TUBA8: variants seen among roughly 807,000 people sequenced by gnomAD.
TUBA8 encodes the protein tubulin alpha-8 chain.
Under a neutral mutation model 34.7 loss-of-function variants are expected in TUBA8, and 29 were observed. The ratio of observed to expected loss-of-function variants is 0.84; its 90% CI spans 0.62 to 1.14. The LOEUF (loss-of-function observed/expected upper bound fraction) is 1.14, where lower values mean the gene tolerates loss of function less well. Ranked by LOEUF, TUBA8 falls within the 50% of genes most tolerant of loss-of-function variation. The pLI is 0.00. For synonymous variants in TUBA8, 226 were observed against 231.2 expected, an observed-to-expected ratio of 0.98 and a Z score of 0.21; for missense variants, 541 against 599.2, an observed-to-expected ratio of 0.90 and a Z score of 1.01.
rs1928095708 is a variant in TUBA8, at chr22:18,119,907, C to G, written c.4-1572C>G. 6.6e-6 allele frequency: 1 copy of G among 152,296 alleles called. No individual in the cohort carries two copies. The allele number at this position is 152,296 out of a possible 1,614,324, so 9.4% of individuals were successfully genotyped here. ...TGCCCCTGGCTTGGGTTACCCGGAG[C>G]TGGAAAATGCCAGGGCAGGTCATGG... On this transcript the variant is annotated intron_variant, in intron 1 of 4. Transcript: ENST00000330423. This position sits in a 1 kb window ranked among gnomAD's most constrained non-coding sequence, Gnocchi z 5.9.
Position 18,121,820 on chromosome 22 carries a change from C to T in TUBA8, c.226+119C>T. ...AAGGTGGGGATGGTGCAACCGCAGC[C>T]TCCCACCCCACGTGACATCTGTCAG... is the stretch of plus-strand genomic sequence containing the variant. On this transcript the variant is annotated intron_variant, in intron 2 of 4. Coordinates refer to ENST00000330423, the MANE Select transcript of TUBA8 (RefSeq NM_018943.3). The surrounding 1 kb of genome is among the most constrained non-coding windows in gnomAD (Gnocchi z 4.8). 1 of 941,482 alleles carries T rather than the reference C, an allele frequency of 1.1e-6. No individual in the cohort carries two copies. The highest frequency in any genetic ancestry group is 1.6e-6 in the Non-Finnish European group (1 of 614,110). The allele number at this position is 941,482 out of a possible 1,614,324, so 58.3% of individuals were successfully genotyped here. A position where few individuals can be genotyped will look rare whatever the true frequency, so the allele number is the denominator to read the frequency against.
rs768126889 is a variant in TUBA8 at position 18,126,626 on chromosome 22, C to G, written c.648C>G (p.Asn216Lys). 1 of 1,614,038 alleles carries G rather than the reference C, an allele frequency of 6.2e-7. No individual in the cohort carries two copies. Residue 216 changes from asparagine (N) to lysine (K), a missense_variant, in exon 4 of 5, where the codon AAC (asparagine) becomes AAG (lysine). Coordinates refer to ENST00000330423, the MANE Select transcript of TUBA8 (RefSeq NM_018943.3). This position sits in a 1 kb window ranked among gnomAD's most constrained non-coding sequence, Gnocchi z 4.0. ...NEAIYDICRRNLDIERPTYTN... is the reference protein window; with the variant it reads ...NEAIYDICRRKLDIERPTYTN... Reference sequence around the variant, plus strand: ...CCATCTATGACATCTGCCGCAGGAACCTTGACATTGAGCGCCCTACCTATA... The same window carrying G: ...CCATCTATGACATCTGCCGCAGGAAGCTTGACATTGAGCGCCCTACCTATA...
intron 1 of TUBA8, chr22:18,115,073 C>T (rs935682594): frequency 2.0e-5 from 3 of 152,228 alleles, no homozygotes; most frequent in Admixed American, 6.5e-5. Context: ...TGGGCTCATG[C>T]CTCCCAGCGA....
In TUBA8 at chr22:18,131,394, C is replaced by G. The variant is rs1197372685; in HGVS notation, c.*258C>G. ...GTCTCCGGCGGGTGAGGCTGCAGCCCAGTTTCACATGCGAGGAGGCCTAAT... is the reference window on the plus strand; with the variant it reads ...GTCTCCGGCGGGTGAGGCTGCAGCCGAGTTTCACATGCGAGGAGGCCTAAT... On this transcript the variant is annotated 3_prime_UTR_variant, in exon 5 of 5. Coordinates refer to ENST00000330423, the MANE Select transcript of TUBA8 (RefSeq NM_018943.3). This position sits in a 1 kb window ranked among gnomAD's most constrained non-coding sequence, Gnocchi z 5.3. The G allele has an allele frequency of 6.0e-6, 3 of 496,288 alleles. No individual in the cohort carries two copies. Among genetic ancestry groups the G allele is most frequent in the Non-Finnish European group, 1.1e-5 (3 of 272,808 alleles). 30.7% of individuals were successfully genotyped at this position (496,288 alleles called of 1,614,324 possible). A position where few individuals can be genotyped will look rare whatever the true frequency, so the allele number is the denominator to read the frequency against.
intron 1 of TUBA8, chr22:18,112,412 A>G (rs1248672486): frequency 6.6e-6 from 1 of 152,206 alleles, no homozygotes; most frequent in African/African-American, 2.4e-5. Context: ...TAGAATTGAT[A>G]TTTAATATTT....
rs775601052 is a variant in TUBA8, at chr22:18,126,869, G to GC, written c.894dup (p.Asn299GlnfsTer122). The GC allele has an allele frequency of 3.1e-6, 5 of 1,611,918 alleles. No homozygotes were observed. In the Admixed American group the frequency reaches 8.3e-5, roughly 27 times the overall value. ...CCGAGATAACCAGCTCCTGCTTTGA[G>GC]CCCAACAGCCAGATGGTGAAGTGCG... On this transcript the variant is annotated frameshift_variant, in exon 4 of 5. Transcript: ENST00000330423. LOFTEE classifies it high-confidence loss of function. The surrounding 1 kb of genome is among the most constrained non-coding windows in gnomAD (Gnocchi z 4.0).
At chr22:18,112,079 C>A (rs764777974) in intron 1 of TUBA8, 1 of 152,074 alleles carries the variant, frequency 6.6e-6, no homozygotes, top group African/African-American at 2.4e-5. Flanking sequence ...ACAAAGGGCC[C>A]GGAGCTGCCA....
rs1162304152 is a variant in TUBA8, at chr22:18,126,179, G to A, written c.376-175G>A. On this transcript the variant is annotated intron_variant, in intron 3 of 4. Coordinates refer to ENST00000330423, the MANE Select transcript of TUBA8 (RefSeq NM_018943.3). This position sits in a 1 kb window ranked among gnomAD's most constrained non-coding sequence, Gnocchi z 4.0. ...GTGCCTGGCCCCATCCCATATTTTAGCCACTCCTCCAAAGATCAATACAAC... is the reference window on the plus strand; with the variant it reads ...GTGCCTGGCCCCATCCCATATTTTAACCACTCCTCCAAAGATCAATACAAC... The A allele has an allele frequency of 6.2e-6, 4 of 643,652 alleles. No homozygotes were observed. Among genetic ancestry groups the A allele is most frequent in the Non-Finnish European group, 1.1e-5 (4 of 371,066 alleles). 39.9% of individuals were successfully genotyped at this position (643,652 alleles called of 1,614,324 possible).
In TUBA8 at chr22:18,119,993, AG is replaced by A. The variant is rs1569198697; in HGVS notation, c.4-1484del. 1 of 152,212 alleles carries A rather than the reference AG, an allele frequency of 6.6e-6. No homozygotes were observed. Among genetic ancestry groups the A allele is most frequent in the African/African-American group, 2.4e-5 (1 of 41,446 alleles). The allele number at this position is 152,212 out of a possible 1,614,324, so 9.4% of individuals were successfully genotyped here. On this transcript the variant is annotated intron_variant, in intron 1 of 4. Transcript: ENST00000330423. This position sits in a 1 kb window ranked among gnomAD's most constrained non-coding sequence, Gnocchi z 5.9. ...CCTGCTGGGCTCAGGCGGCTGCCCC[AG>A]GCACAGTGTCGCCTTGTGTGGGCCA...
rs555172566 is a variant in TUBA8 at position 18,126,023 on chromosome 22, A to T, written c.376-331A>T. ...ACTACAGGTGTGCATCACCACGCCCAGTTAACTTTTAAAATTTTTTGTAGA... is the reference window on the plus strand; with the variant it reads ...ACTACAGGTGTGCATCACCACGCCCTGTTAACTTTTAAAATTTTTTGTAGA... On this transcript the variant is annotated intron_variant, in intron 3 of 4. Transcript: ENST00000330423. The surrounding 1 kb of genome is among the most constrained non-coding windows in gnomAD (Gnocchi z 4.0). 206 of 348,518 alleles carry T rather than the reference A, an allele frequency of 5.9e-4. No homozygotes were observed. Among genetic ancestry groups the T allele is most frequent in the African/African-American group, 4.1e-3 (193 of 47,398 alleles). The allele number at this position is 348,518 out of a possible 1,614,324, so 21.6% of individuals were successfully genotyped here.
In TUBA8 at chr22:18,131,228, C is replaced by T; in HGVS notation, c.*92C>T. 1 of 1,413,822 alleles carries T rather than the reference C, an allele frequency of 7.1e-7. No individual in the cohort carries two copies. The allele number at this position is 1,413,822 out of a possible 1,614,324, so 87.6% of individuals were successfully genotyped here. On this transcript the variant is annotated 3_prime_UTR_variant, in exon 5 of 5. Transcript: ENST00000330423. The surrounding 1 kb of genome is among the most constrained non-coding windows in gnomAD (Gnocchi z 5.3). ...GAACAGAACACTCTCCCCGCCCCAG[C>T]CTGATTCCTGCCTTACCCAGGAGGA...
At position 18,111,429 on chromosome 22, in the gene TUBA8, G is replaced by A. The variant is rs1927806283; in HGVS notation, c.3+561G>A. ...GCCCCAGCGCGGCGGGGTCCTCCGGGCGCACTCAGCAGCTCCCAAGTCTTT... is the reference window on the plus strand; with the variant it reads ...GCCCCAGCGCGGCGGGGTCCTCCGGACGCACTCAGCAGCTCCCAAGTCTTT... On this transcript the variant is annotated intron_variant, in intron 1 of 4. Transcript: ENST00000330423. The surrounding 1 kb of genome is among the most constrained non-coding windows in gnomAD (Gnocchi z 5.1). The A allele has an allele frequency of 6.4e-6, 1 of 155,334 alleles. No homozygotes were observed. The highest frequency in any genetic ancestry group is 2.5e-5 in the African/African-American group (1 of 40,602). 9.6% of individuals were successfully genotyped at this position (155,334 alleles called of 1,614,324 possible). A position where few individuals can be genotyped will look rare whatever the true frequency, so the allele number is the denominator to read the frequency against.
Position 18,126,052 on chromosome 22 carries a change from G to T in TUBA8, c.376-302G>T, listed in dbSNP as rs467262. 0.013 allele frequency: 5,164 copies of T among 411,674 alleles called. 243 individuals carry two copies. Among genetic ancestry groups the T allele is most frequent in the African/African-American group, 0.095 (4,701 of 49,536 alleles). 25.5% of individuals were successfully genotyped at this position (411,674 alleles called of 1,614,324 possible). ...AACTTTTAAAATTTTTTGTAGATGC[G>T]AGGTCTCACTATGTTGCCCATGCTG... is the stretch of plus-strand genomic sequence containing the variant. On this transcript the variant is annotated intron_variant, in intron 3 of 4. Coordinates refer to ENST00000330423, the MANE Select transcript of TUBA8 (RefSeq NM_018943.3). This position sits in a 1 kb window ranked among gnomAD's most constrained non-coding sequence, Gnocchi z 4.0.
At chr22:18,130,700 G>T (rs776870971) in intron 4 of TUBA8, 143 bp from the exon 5 acceptor site, 1 of 1,055,928 alleles carries the variant, frequency 9.5e-7, no homozygotes, top group African/African-American at 1.6e-5. Flanking sequence ...GTCCCATCCC[G>T]CCTGTTGCAT....
Position 18,124,275 on chromosome 22 carries a change from G to T in TUBA8, c.346G>T (p.Asp116Tyr), listed in dbSNP as rs370865072. ...GHYTVGKESI[D>Y]LVLDRIRKLT... Reference sequence around the variant, plus strand: ...CTACACGGTGGGCAAGGAGAGCATTGACCTGGTGCTGGACCGCATACGGAA... The same window carrying T: ...CTACACGGTGGGCAAGGAGAGCATTTACCTGGTGCTGGACCGCATACGGAA... The change falls in exon 3 of 5, where the codon GAC becomes TAC. Residue 116 changes from aspartate (D) to tyrosine (Y), a missense_variant. Physicochemically the swap from Asp to Tyr is radical, Grantham distance 160 (BLOSUM62 -3). Coordinates refer to ENST00000330423, the MANE Select transcript of TUBA8 (RefSeq NM_018943.3). The surrounding 1 kb of genome is among the most constrained non-coding windows in gnomAD (Gnocchi z 4.3). 7.4e-6 allele frequency: 12 copies of T among 1,613,976 alleles called. No homozygotes were observed. In the African/African-American group the frequency reaches 1.6e-4, roughly 22 times the overall value.
rs1313583042 is a variant in TUBA8, at chr22:18,121,816, C to T, written c.226+115C>T. On this transcript the variant is annotated intron_variant, in intron 2 of 4. Coordinates refer to ENST00000330423, the MANE Select transcript of TUBA8 (RefSeq NM_018943.3). This position sits in a 1 kb window ranked among gnomAD's most constrained non-coding sequence, Gnocchi z 4.8. ...CTGGAAGGTGGGGATGGTGCAACCG[C>T]AGCCTCCCACCCCACGTGACATCTG... is the stretch of plus-strand genomic sequence containing the variant. The T allele has an allele frequency of 3.1e-6, 3 of 973,256 alleles. No individual in the cohort carries two copies. Among genetic ancestry groups the T allele is most frequent in the Non-Finnish European group, 4.7e-6 (3 of 640,658 alleles). 60.3% of individuals were successfully genotyped at this position (973,256 alleles called of 1,614,324 possible).
In TUBA8 at chr22:18,118,728, AAT is replaced by A. The variant is rs1225874015; in HGVS notation, c.4-2749_4-2748del. On this transcript the variant is annotated intron_variant, in intron 1 of 4. Transcript: ENST00000330423. This position sits in a 1 kb window ranked among gnomAD's most constrained non-coding sequence, Gnocchi z 4.0. ...TCTTATGAGCTAGTTCAATAGGAAA[AAT>A]AGCTCTTTCTAAGGGGTGTGTGTGT... The A allele has an allele frequency of 2.6e-5, 4 of 152,218 alleles. No homozygotes were observed. The allele number at this position is 152,218 out of a possible 1,614,324, so 9.4% of individuals were successfully genotyped here. A position where few individuals can be genotyped will look rare whatever the true frequency, so the allele number is the denominator to read the frequency against.
intron 1 of TUBA8, chr22:18,114,842 T>TTTCCA (rs1265147391): frequency 1.3e-5 from 2 of 152,096 alleles, no homozygotes; most frequent in African/African-American, 2.4e-5. Context: ...TACTTGGAAA[T>TTTCCA]AGTATCACAA....
Position 18,121,665 on chromosome 22 carries a change from CG to C in TUBA8, c.193del (p.Ala65ProfsTer3), listed in dbSNP as rs748948078. 1 of 1,614,180 alleles carries C rather than the reference CG, an allele frequency of 6.2e-7. No individual in the cohort carries two copies. The highest frequency in any genetic ancestry group is 1.7e-5 in the Admixed American group (1 of 60,012). On this transcript the variant is annotated frameshift_variant, in exon 2 of 5. Transcript: ENST00000330423. LOFTEE classifies it high-confidence loss of function. The surrounding 1 kb of genome is among the most constrained non-coding windows in gnomAD (Gnocchi z 4.8). ...SETGNGKHVP[R>X]AVMIDLEPTV... is the part of the protein sequence containing the mutation. ...GACTGGCAATGGGAAGCATGTGCCC[CG>C]GGCCGTCATGATAGATCTGGAGCCT...
Sources: gnomAD v4.1 joint callset for allele counts on GRCh38, gnomAD v4.1.1 for gene constraint, Gnocchi (gnomAD v3.1) non-coding constraint, MANE v1.5 for transcripts, NCBI Gene and HGNC (gene_info 2026-07-23, HGNC 2026-07-21) for gene names.